The following SELP variants were observed in gnomAD, a reference collection of about 807,000 sequenced individuals.
SELP encodes selectin P.
A neutral mutation model predicts 104.1 loss-of-function variants in SELP; 92 were observed. The ratio of observed to expected loss-of-function variants is 0.88; its 90% CI spans 0.75 to 1.05. SELP has a LOEUF of 1.05. SELP is among the 50% of genes least tolerant of loss of function. The pLI is 0.00. For synonymous variants in SELP, 397 were observed against 364.5 expected (o/e 1.09, Z -1.01); for missense variants, 1,022 against 1,017.3 (o/e 1.00, Z -0.06).
Position 169,602,933 on chromosome 1 carries a change from C to T in SELP, c.1705+93G>A, listed in dbSNP as rs193002873. On this transcript the variant is annotated intron_variant, in intron 10 of 16. Transcript: ENST00000263686. Reference sequence around the variant, plus strand: ...TTGTTGTGGAGAGTGTTGTTTGCTTCAGCTCAAGAACACTTTTATATAAAT... The same window carrying T: ...TTGTTGTGGAGAGTGTTGTTTGCTTTAGCTCAAGAACACTTTTATATAAAT... 6.6e-5 allele frequency: 70 copies of T among 1,053,076 alleles called. No individual in the cohort carries two copies. The Admixed American group carries it at 1.7e-3, about 25-fold the overall frequency. 65.2% of individuals were successfully genotyped at this position (1,053,076 alleles called of 1,614,324 possible).
intron 10 of SELP, among the ~76,000 whole-genome samples, chr1:169,601,008 A>G (rs1661883318): frequency 6.6e-6 from 1 of 152,220 alleles, no homozygotes; most frequent in Non-Finnish European, 1.5e-5. Context: ...TAGTGAAGGG[A>G]AGCAAGGGCT....
intron 13 of SELP, among the ~76,000 whole-genome samples, chr1:169,594,158 A>G (rs1661479616): frequency 6.6e-6 from 1 of 152,232 alleles, no homozygotes; most frequent in African/African-American, 2.4e-5. Context: ...TAAGAAGCCT[A>G]TACATGTAAG....
chr1:169,624,783 A>T (rs1430425673), intron 1 of SELP, among the ~76,000 whole-genome samples: 1 of 152,150 alleles, frequency 6.6e-6, no homozygotes, highest in Non-Finnish European at 1.5e-5. Context: ...TAATGATTGC[A>T]GGGTGAAGAG....
chr1:169,629,773 A>G (rs1335573998), intron 1 of SELP, among the ~76,000 whole-genome samples: 1 of 152,226 alleles, frequency 6.6e-6, no homozygotes, highest in East Asian at 1.9e-4. Flanking sequence ...GAGCCAGAGG[A>G]CAGGCCCCAG....
At chr1:169,609,436 C>CCACCCTT in intron 8 of SELP, 68 bp downstream of exon 8, 3 of 1,439,306 alleles carry the variant, frequency 2.1e-6, no homozygotes, top group Non-Finnish European at 2.9e-6. Flanking sequence ...CATGCCAATG[C>CCACCCTT]TCAGTGCAGA....
chr1:169,592,733 A>G (rs896751665), intron 14 of SELP, among the ~76,000 whole-genome samples: 1 of 152,150 alleles, frequency 6.6e-6, no homozygotes, highest in African/African-American at 2.4e-5. Context: ...TAAATCCTGC[A>G]TCAACTTTAC....
intron 9 of SELP, among the ~76,000 whole-genome samples, chr1:169,604,886 T>C (rs1662107022): frequency 6.6e-6 from 1 of 152,156 alleles, no homozygotes. Context: ...AATTGTCTGA[T>C]AACACTCTCT....
Position 169,609,575 on chromosome 1 carries a change from A to G in SELP, c.1262T>C (p.Met421Thr), listed in dbSNP as rs998520415. Reference sequence around the variant, plus strand: ...CCGAACTATATCGGCTCCTCTCAGCATGAAACCTTCAGCACAGCGGAAGCT... The same window carrying G: ...CCGAACTATATCGGCTCCTCTCAGCGTGAAACCTTCAGCACAGCGGAAGCT... ...NCSFRCAEGF[M>T]LRGADIVRCD... Residue 421 changes from methionine to threonine, a missense_variant, in exon 8 of 17, where the codon ATG becomes ACG. By Grantham distance (81) the Met-to-Thr change is moderately conservative. Transcript: ENST00000263686. The G allele has an allele frequency of 1.9e-6, 3 of 1,614,108 alleles. No homozygotes were observed. Among genetic ancestry groups the G allele is most frequent in the South Asian group, 1.1e-5 (1 of 91,084 alleles).
chr1:169,619,048 C>T (rs1662964960), intron 2 of SELP, 81 bp downstream of exon 2: 24 of 1,187,618 alleles, frequency 2.0e-5, no homozygotes, highest in South Asian at 8.1e-5. Context: ...CAACTGGCTA[C>T]AATCCTTAAA....
intron 10 of SELP, 108 bp downstream of exon 10, chr1:169,602,918 G>C (rs1457425568): frequency 3.8e-6 from 3 of 795,630 alleles, no homozygotes; most frequent in South Asian, 2.4e-5. Flanking sequence ...TTGTTGTGGA[G>C]AGTGTTGTTT....
rs933093456 is a variant in SELP at position 169,596,797 on chromosome 1, A to G, written c.1891+194T>C. On this transcript the variant is annotated intron_variant, in intron 11 of 16. Coordinates refer to ENST00000263686, the MANE Select transcript of SELP (RefSeq NM_003005.4). ...AAACAAAATTCCTGCTTAAGAATCA[A>G]TATACCTTTTATTCACAAACATAAA... is the stretch of plus-strand genomic sequence containing the variant. Among the ~76,000 whole-genome samples, 4 of 152,250 alleles carry G rather than the reference A, an allele frequency of 2.6e-5. No individual in the cohort carries two copies. In the East Asian group the frequency reaches 7.7e-4, roughly 29 times the overall value.
intron 14 of SELP, among the ~76,000 whole-genome samples, chr1:169,592,887 A>G (rs2101862304): frequency 6.6e-6 from 1 of 152,174 alleles, no homozygotes. Flanking sequence ...GAAACATACC[A>G]TCTTCTCATT....
chr1:169,617,413 T>C lies in SELP; in HGVS notation c.96A>G (p.Glu32=). The C allele has an allele frequency of 6.2e-7, 1 of 1,613,510 alleles. No homozygotes were observed. Among genetic ancestry groups the C allele is most frequent in the South Asian group, 1.1e-5 (1 of 91,032 alleles). The change falls in exon 3 of 17, where the codon GAA becomes GAG. Residue 32 remains glutamate (E), a splice_region_variant and synonymous_variant. Coordinates refer to ENST00000263686, the MANE Select transcript of SELP (RefSeq NM_003005.4). The stretch of plus-strand genomic sequence containing the variant: ...CTGCCACTTCTTTCTGGTTTGTTAG[T>C]TCTAGAGTAAAGGAGAGTGAGTGCC... ...QLLCFSALIS[E]LTNQKEVAAW...
At chr1:169,626,237 G>T (rs112578786) in intron 1 of SELP, among the ~76,000 whole-genome samples, 1 of 152,134 alleles carries the variant, frequency 6.6e-6, no homozygotes, top group Non-Finnish European at 1.5e-5. Context: ...AGATCACATC[G>T]GGCTTTGGGA....
Position 169,617,172 on chromosome 1 carries a change from C to T in SELP, c.337G>A (p.Glu113Lys), listed in dbSNP as rs1300494354. ...TCATTATCAGCCCAGTTCTCAGCCT[C>T]GTTGGTGAGAGCCTTTTTGGTTCCC... The part of the protein sequence containing the change: ...WVGTKKALTN[E>K]AENWADNEPN... Residue 113 changes from glutamate (E) to lysine (K), a missense_variant, in exon 3 of 17, where the codon GAG becomes AAG. Physicochemically the swap from Glu to Lys is moderately conservative, Grantham distance 56. Transcript: ENST00000263686. 5.0e-6 allele frequency: 8 copies of T among 1,614,072 alleles called. No homozygotes were observed. Among genetic ancestry groups the T allele is most frequent in the East Asian group, 4.5e-5 (2 of 44,870 alleles).
intron 7 of SELP, among the ~76,000 whole-genome samples, 193 bp from the exon 8 acceptor site, chr1:169,609,882 G>GC (rs778284457): frequency 7.9e-5 from 12 of 152,080 alleles, no homozygotes; most frequent in Non-Finnish European, 1.0e-4. Context: ...ACTCTCACCT[G>GC]CCCTTCAGGT....
At chr1:169,621,885 A>T (rs1663153651) in intron 1 of SELP, among the ~76,000 whole-genome samples, 1 of 152,200 alleles carries the variant, frequency 6.6e-6, no homozygotes. Context: ...TTGTGTCACA[A>T]GCTGTTCTTC....
At chr1:169,595,388 A>G (rs1661554216) in intron 12 of SELP, among the ~76,000 whole-genome samples, 3 of 152,202 alleles carry the variant, frequency 2.0e-5, no homozygotes, top group South Asian at 4.1e-4. Context: ...AGGTCAAGAA[A>G]TTAGATTTAA....
chr1:169,607,823 G>C (rs1342958033), intron 8 of SELP, among the ~76,000 whole-genome samples: 2 of 152,112 alleles, frequency 1.3e-5, no homozygotes, highest in African/African-American at 4.8e-5. Context: ...GGTAGTAATA[G>C]ATAGTAATAA....
Sources: gnomAD v4.1 joint callset for allele counts (sites outside exome capture counted in the v4.1 genomes callset) on GRCh38, gnomAD v4.1.1 for gene constraint, MANE v1.5 for transcripts, NCBI Gene and HGNC (gene_info 2026-07-23, HGNC 2026-07-21) for gene names.